SLC16A7: variants seen among roughly 807,000 people sequenced by gnomAD.
SLC16A7 encodes the protein solute carrier family 16 member 7, also known as monocarboxylate transporter 2.
In SLC16A7, 33 loss-of-function variants were observed where a neutral mutation model predicts 34.9. The ratio of observed to expected loss-of-function variants is 0.94; its 90% CI spans 0.72 to 1.26. SLC16A7 has a LOEUF of 1.26. Among genes scored for constraint, SLC16A7 ranks in the 50% most tolerant of loss-of-function variants. The pLI is 0.00. For synonymous variants in SLC16A7, 201 were observed against 206.6 expected, an observed-to-expected ratio of 0.97 and a Z score of 0.23; for missense variants, 573 against 578.1, an observed-to-expected ratio of 0.99 and a Z score of 0.09.
intron 2 of SLC16A7, among the ~76,000 whole-genome samples, chr12:59,679,547 G>C (rs898188841): frequency 1.3e-5 from 2 of 152,030 alleles, no homozygotes; most frequent in African/African-American, 4.8e-5. Flanking sequence ...CATTATCTAG[G>C]TTAGGTTATT....
At chr12:59,605,683 A>G (rs1878904576) in intron 1 of SLC16A7, among the ~76,000 whole-genome samples, 1 of 152,230 alleles carries the variant, frequency 6.6e-6, no homozygotes, top group Admixed American at 6.5e-5. Flanking sequence ...TATATTCTCA[A>G]AGCAAGGTTA....
rs531776599 is a variant in SLC16A7 at position 59,766,293 on chromosome 12, T to C, written c.218-4926T>C. On this transcript the variant is annotated intron_variant, in intron 3 of 5. Coordinates refer to ENST00000547379, the MANE Select transcript of SLC16A7 (RefSeq NM_001270623.2). ...ATCTGCAAACAGGGACAATTTGACT[T>C]CCTCTTTTCCTAATTGAATGCCGTT... Among the ~76,000 whole-genome samples the C allele has an allele frequency of 3.1e-3, 479 of 152,308 alleles. 2 individuals carry two copies. Among genetic ancestry groups the C allele is most frequent in the Non-Finnish European group, 5.5e-3 (373 of 68,034 alleles).
chr12:59,751,251 C>G (rs1295426355), intron 3 of SLC16A7, among the ~76,000 whole-genome samples: 1 of 152,220 alleles, frequency 6.6e-6, no homozygotes, highest in African/African-American at 2.4e-5. Context: ...AGACAGTGGG[C>G]TCAGGACAGT....
chr12:59,598,578 T>G (rs758199013), intron 1 of SLC16A7, among the ~76,000 whole-genome samples: 2 of 152,242 alleles, frequency 1.3e-5, no homozygotes, highest in African/African-American at 2.4e-5. Flanking sequence ...TAAGATCTGC[T>G]AAAAGGCAAA....
chr12:59,740,240 T>C (rs1468694424), intron 3 of SLC16A7, among the ~76,000 whole-genome samples: 1 of 151,866 alleles, frequency 6.6e-6, no homozygotes, highest in Non-Finnish European at 1.5e-5. Context: ...AAGGAAGGGA[T>C]CCAGTTTCAG....
At chr12:59,719,975 C>T in intron 3 of SLC16A7, 1 of 628,978 alleles carries the variant, frequency 1.6e-6, no homozygotes, top group African/African-American at 1.9e-5. Flanking sequence ...ATATTGGAAA[C>T]AGGATGCATA....
At chr12:59,718,018 A>C (rs1222725725) in intron 3 of SLC16A7, among the ~76,000 whole-genome samples, 1 of 152,142 alleles carries the variant, frequency 6.6e-6, no homozygotes, top group East Asian at 1.9e-4. Flanking sequence ...AAAGTATCTA[A>C]ATTTCTGTTT....
chr12:59,638,552 T>C (rs979595577), intron 1 of SLC16A7, among the ~76,000 whole-genome samples: 1 of 152,162 alleles, frequency 6.6e-6, no homozygotes, highest in Non-Finnish European at 1.5e-5. Context: ...CAAGTAATTC[T>C]TATATCTCTG....
At chr12:59,687,050 A>T (rs1412667984) in intron 2 of SLC16A7, among the ~76,000 whole-genome samples, 1 of 151,970 alleles carries the variant, frequency 6.6e-6, no homozygotes, top group African/African-American at 2.4e-5. Context: ...AAATATATAT[A>T]ATTTTTACTT....
chr12:59,671,927 ATC>A lies in SLC16A7; in HGVS notation c.-31+16678_-31+16679del, dbSNP rs1565640886. On this transcript the variant is annotated intron_variant, in intron 2 of 5. Transcript: ENST00000547379. ...TATACATATATGTATATATGTATAT[ATC>A]CATATATGTATATATGTGTATATAT... Among the ~76,000 whole-genome samples the A allele has an allele frequency of 5.0e-4, 27 of 53,754 alleles. 6 individuals are homozygous for A. The highest frequency in any genetic ancestry group is 2.3e-3 in the African/African-American group (27 of 11,518). The allele number at this position is 53,754 out of a possible 152,430, so 35.3% of individuals were successfully genotyped here.
rs181756557 is a variant in SLC16A7, at chr12:59,780,162, C to G, written c.*483C>G. ...AACACACATACTCCCACATACTTAC[C>G]CACATGTACACAGAGTATCTGGAGA... On this transcript the variant is annotated 3_prime_UTR_variant, in exon 6 of 6. Transcript: ENST00000547379. 2.3e-3 allele frequency: 344 copies of G among 152,258 alleles called. 2 individuals are homozygous for G. Among genetic ancestry groups the G allele is most frequent in the Admixed American group, 5.6e-3 (85 of 15,298 alleles). 9.4% of individuals were successfully genotyped at this position (152,258 alleles called of 1,614,324 possible). A position where few individuals can be genotyped will look rare whatever the true frequency, so the allele number is the denominator to read the frequency against.
rs139720867 is a variant in SLC16A7, at chr12:59,723,471, T to C, written c.217+18453T>C. Among the ~76,000 whole-genome samples the C allele has an allele frequency of 2.2e-3, 329 of 152,058 alleles. 1 individual carries two copies. Among genetic ancestry groups the C allele is most frequent in the Non-Finnish European group, 4.2e-3 (287 of 67,880 alleles). On this transcript the variant is annotated intron_variant, in intron 3 of 5. Transcript: ENST00000547379. Reference sequence around the variant, plus strand: ...AATTTATTAAAGCTTCATGATACTTTTAAAGACGGAGATGTGAATTGCTAT... The same window carrying C: ...AATTTATTAAAGCTTCATGATACTTCTAAAGACGGAGATGTGAATTGCTAT...
chr12:59,684,732 A>G (rs2137079985), intron 2 of SLC16A7, among the ~76,000 whole-genome samples: 1 of 152,290 alleles, frequency 6.6e-6, no homozygotes, highest in East Asian at 1.9e-4. Context: ...ATAGGAGGAA[A>G]GGTCAAGGTG....
intron 3 of SLC16A7, among the ~76,000 whole-genome samples, chr12:59,752,904 C>G (rs1879766682): frequency 6.6e-6 from 1 of 152,170 alleles, no homozygotes; most frequent in Non-Finnish European, 1.5e-5. Context: ...AACAGCGGAT[C>G]TCTCGGCAGA....
intron 2 of SLC16A7, among the ~76,000 whole-genome samples, chr12:59,675,907 A>G (rs1358833134): frequency 1.3e-5 from 2 of 152,094 alleles, no homozygotes; most frequent in Non-Finnish European, 2.9e-5. Context: ...AGCTATTGCA[A>G]ATTCCCCAGA....
intron 1 of SLC16A7, among the ~76,000 whole-genome samples, chr12:59,612,748 G>C (rs958389704): frequency 6.6e-6 from 1 of 152,082 alleles, no homozygotes; most frequent in Non-Finnish European, 1.5e-5. Context: ...TTAGGGCAGG[G>C]GCAAATGCTA....
chr12:59,643,952 C>G (rs1315567380), intron 1 of SLC16A7, among the ~76,000 whole-genome samples: 1 of 152,088 alleles, frequency 6.6e-6, no homozygotes, highest in South Asian at 2.1e-4. Flanking sequence ...CATAATTATC[C>G]ATGGAGATAA....
Position 59,752,504 on chromosome 12 carries a change from C to T in SLC16A7, c.218-18715C>T, listed in dbSNP as rs192391674. ...GTGATCAACTGGAAGAAAGGGTATC[C>T]GTGATGGAAGATGAAATGAATGAAA... On this transcript the variant is annotated intron_variant, in intron 3 of 5. Coordinates refer to ENST00000547379, the MANE Select transcript of SLC16A7 (RefSeq NM_001270623.2). Among the ~76,000 whole-genome samples the T allele has an allele frequency of 3.1e-3, 472 of 151,942 alleles. 1 individual carries two copies. Among genetic ancestry groups the T allele is most frequent in the Non-Finnish European group, 4.8e-3 (325 of 67,990 alleles).
At chr12:59,728,193 T>G (rs1359360779) in intron 3 of SLC16A7, among the ~76,000 whole-genome samples, 1 of 152,104 alleles carries the variant, frequency 6.6e-6, no homozygotes, top group African/African-American at 2.4e-5. Context: ...AAAAATCACT[T>G]CTGGGGGTGA....
Sources: gnomAD v4.1 joint callset for allele counts (sites outside exome capture counted in the v4.1 genomes callset) on GRCh38, gnomAD v4.1.1 for gene constraint, MANE v1.5 for transcripts, NCBI Gene and HGNC (gene_info 2026-07-23, HGNC 2026-07-21) for gene names.